Variants in TUSC3 observed in about 807,000 individuals in gnomAD.
TUSC3 encodes tumor suppressor candidate 3.
In TUSC3, 45 loss-of-function variants were observed where a neutral mutation model predicts 44.8. The observed-to-expected ratio is 1.00, with a 90% CI of 0.79 to 1.29. The LOEUF (loss-of-function observed/expected upper bound fraction) is 1.29, where lower values mean the gene tolerates loss of function less well. Ranked by LOEUF, TUSC3 falls within the 50% of genes most tolerant of loss-of-function variation. The probability of loss-of-function intolerance (pLI) is 0.00; values close to 1 mark genes in which losing one functional copy is unlikely to be tolerated. For synonymous variants in TUSC3, 212 were observed against 152.9 expected, an observed-to-expected ratio of 1.39 and a Z score of -2.85; for missense variants, 519 against 437.9, an observed-to-expected ratio of 1.19 and a Z score of -1.65.
rs1190543828 is a variant in TUSC3 at position 15,521,311 on chromosome 8, GC to G, written n.189+37829del. ...CTTACCACTGACCTTCAGGGTTCAT[GC>G]AGTGACAATATACCCTTAACTAACC... is the stretch of plus-strand genomic sequence containing the variant. On this transcript the variant is annotated intron_variant and non_coding_transcript_variant, in intron 2 of 5. Transcript: ENST00000503191. Among the ~76,000 whole-genome samples, 3 of 152,112 alleles carry G rather than the reference GC, an allele frequency of 2.0e-5. No homozygotes were observed. The East Asian group carries it at 5.8e-4, about 29-fold the overall frequency.
intron 2 of TUSC3, among the ~76,000 whole-genome samples, chr8:15,524,120 T>A (rs1167610761): frequency 6.6e-6 from 1 of 152,074 alleles, no homozygotes; most frequent in Admixed American, 6.5e-5. Context: ...TGCATTTTTT[T>A]ATACTAAACT....
At position 15,743,530 on chromosome 8, in the gene TUSC3, T is replaced by C; in HGVS notation, c.863-8T>C. Reference sequence around the variant, plus strand: ...CTATGTCTACGGCTTCCTTGACAACTACTGCAGATGCCGCTATCACCATGG... The same window carrying C: ...CTATGTCTACGGCTTCCTTGACAACCACTGCAGATGCCGCTATCACCATGG... On this transcript the variant is annotated splice_polypyrimidine_tract_variant and splice_region_variant and intron_variant, in intron 7 of 10. Transcript: ENST00000503731. 1 of 1,613,924 alleles carries C rather than the reference T, an allele frequency of 6.2e-7. No homozygotes were observed. Among genetic ancestry groups the C allele is most frequent in the Non-Finnish European group, 8.5e-7 (1 of 1,179,790 alleles).
intron 1 of TUSC3, among the ~76,000 whole-genome samples, chr8:15,613,699 C>T (rs1486838145): frequency 6.6e-6 from 1 of 152,118 alleles, no homozygotes. Context: ...TGAAAACAGA[C>T]TAATACAAAT....
chr8:15,649,588 GA>G (rs35737672), intron 2 of TUSC3, among the ~76,000 whole-genome samples: 47,283 of 127,500 alleles, frequency 0.37, 7,720 homozygotes, highest in East Asian at 0.44. Flanking sequence ...CGTCTCAAAA[GA>G]AAAAAAAAAA....
rs570528455 is a variant in TUSC3 at position 15,649,795 on chromosome 8, G to T, written c.309-902G>T. Among the ~76,000 whole-genome samples, 3 of 152,110 alleles carry T rather than the reference G, an allele frequency of 2.0e-5. No homozygotes were observed. In the East Asian group the frequency reaches 5.8e-4, roughly 29 times the overall value. ...TGGAACTCTTTCTGCTGCTGACTCT[G>T]CTCCAAGTCCTTTTGTTATTGTTAG... On this transcript the variant is annotated intron_variant, in intron 2 of 10. Transcript: ENST00000503731.
At chr8:15,554,295 T>G (rs1013189999) in intron 1 of TUSC3, among the ~76,000 whole-genome samples, 3 of 151,802 alleles carry the variant, frequency 2.0e-5, no homozygotes, top group Admixed American at 1.3e-4. Context: ...GCCACATGAC[T>G]AACTTTAGCC....
At chr8:15,739,206 T>G (rs1231649677) in intron 7 of TUSC3, among the ~76,000 whole-genome samples, 3 of 152,176 alleles carry the variant, frequency 2.0e-5, no homozygotes, top group African/African-American at 4.8e-5. Context: ...ATATCTCATA[T>G]GTTATAGTTG....
At chr8:15,675,165 C>G (rs1378965403) in intron 6 of TUSC3, among the ~76,000 whole-genome samples, 1 of 152,124 alleles carries the variant, frequency 6.6e-6, no homozygotes, top group Non-Finnish European at 1.5e-5. Flanking sequence ...GGTTTTGTCA[C>G]TGATACATTT....
At chr8:15,584,145 C>T (rs987293237) in intron 1 of TUSC3, among the ~76,000 whole-genome samples, 2 of 152,042 alleles carry the variant, frequency 1.3e-5, no homozygotes, top group Admixed American at 6.6e-5. Flanking sequence ...TTAAAGATTT[C>T]CTTAAGATTC....
intron 1 of TUSC3, among the ~76,000 whole-genome samples, chr8:15,614,181 A>G (rs1464805638): frequency 6.6e-6 from 1 of 152,064 alleles, no homozygotes; most frequent in East Asian, 1.9e-4. Flanking sequence ...CATAACACAT[A>G]TTATTTTAAT....
intron 2 of TUSC3, among the ~76,000 whole-genome samples, chr8:15,529,787 AG>A (rs1375159924): frequency 9.5e-6 from 1 of 105,518 alleles, no homozygotes; most frequent in Non-Finnish European, 2.0e-5. Context: ...TCTGTGAAAA[AG>A]TTTTTTTTTT....
At position 15,599,699 on chromosome 8, in the gene TUSC3, TG is replaced by T. The variant is rs1473385535; in HGVS notation, c.139-23379del. Among the ~76,000 whole-genome samples the T allele has an allele frequency of 7.1e-5, 10 of 141,428 alleles. No individual in the cohort carries two copies. In the East Asian group the frequency reaches 1.7e-3, roughly 25 times the overall value. The allele number at this position is 141,428 out of a possible 152,430, so 92.8% of individuals were successfully genotyped here. A position where few individuals can be genotyped will look rare whatever the true frequency, so the allele number is the denominator to read the frequency against. ...TCTCTTTGCTCCGTTATATTGCTTG[TG>T]GTTTTTTTTTTTTTTTGTCAAAGAT... On this transcript the variant is annotated intron_variant, in intron 1 of 10. Coordinates refer to ENST00000503731, the MANE Select transcript of TUSC3 (RefSeq NM_006765.4).
Position 15,703,249 on chromosome 8 carries a change from C to A in TUSC3, c.799-27417C>A, listed in dbSNP as rs144727949. Among the ~76,000 whole-genome samples, 206 of 152,160 alleles carry A rather than the reference C, an allele frequency of 1.4e-3. 2 individuals carry two copies. The highest frequency in any genetic ancestry group is 4.8e-3 in the African/African-American group (199 of 41,520). On this transcript the variant is annotated intron_variant, in intron 6 of 10. Coordinates refer to ENST00000503731, the MANE Select transcript of TUSC3 (RefSeq NM_006765.4). Reference sequence around the variant, plus strand: ...GTATAAACTTTAAAGAGATATGTAACTTGAGCCTAATTAATTATAGATTAT... The same window carrying A: ...GTATAAACTTTAAAGAGATATGTAAATTGAGCCTAATTAATTATAGATTAT...
rs766746433 is a variant in TUSC3, at chr8:15,540,506, C to G, written c.76C>G (p.Pro26Ala). 3.7e-6 allele frequency: 6 copies of G among 1,608,462 alleles called. No individual in the cohort carries two copies. The highest frequency in any genetic ancestry group is 1.1e-5 in the South Asian group (1 of 90,470). The change falls in exon 1 of 11, where the codon CCC (proline) becomes GCC (alanine). Residue 26 changes from proline to alanine, a missense_variant. Pro to Ala is a conservative substitution (Grantham distance 27). Transcript: ENST00000503731. ...GCGGTACCTGCCCACCGGGAGCTTT[C>G]CCTTCCTTCTCCTGCTGCTGCTGCT... The part of the protein sequence containing the change: ...RLRYLPTGSF[P>A]FLLLLLLLCI...
intron 1 of TUSC3, among the ~76,000 whole-genome samples, chr8:15,447,455 T>A (rs963732676): frequency 2.0e-5 from 3 of 152,114 alleles, no homozygotes; most frequent in African/African-American, 7.2e-5. Context: ...AAACTAAAAA[T>A]GAATGTTAAA....
the TUSC3 span, among the ~76,000 whole-genome samples, chr8:15,841,777 G>A: frequency 6.6e-6 from 1 of 152,152 alleles, no homozygotes; most frequent in African/African-American, 2.4e-5. Flanking sequence ...GCCTCCCAAA[G>A]TGCTGCGATT....
intron 7 of TUSC3, among the ~76,000 whole-genome samples, 166 bp downstream of exon 7, chr8:15,730,895 G>T (rs1038954677): frequency 9.2e-5 from 14 of 151,670 alleles, no homozygotes; most frequent in Non-Finnish European, 2.9e-5. Flanking sequence ...TTCCTATTAC[G>T]GTATAATTTG....
intron 5 of TUSC3, among the ~76,000 whole-genome samples, chr8:15,669,082 G>T (rs1334276254): frequency 6.6e-6 from 1 of 151,686 alleles, no homozygotes; most frequent in East Asian, 1.9e-4. Context: ...ACAGAGCTTT[G>T]CCAGGGCCAT....
At chr8:15,514,986 C>A (rs1801196774) in intron 2 of TUSC3, among the ~76,000 whole-genome samples, 2 of 152,104 alleles carry the variant, frequency 1.3e-5, no homozygotes, top group African/African-American at 2.4e-5. Flanking sequence ...CCATAAATGA[C>A]AATAGTGTTT....
Sources: allele counts gnomAD v4.1 joint callset (sites outside exome capture counted in the v4.1 genomes callset), GRCh38; gene constraint gnomAD v4.1.1; transcripts MANE v1.5; gene names NCBI Gene and HGNC (gene_info 2026-07-23, HGNC 2026-07-21).